The following TUBA1C variants were observed in gnomAD, a reference collection of about 807,000 sequenced individuals.
The protein encoded by TUBA1C is tubulin alpha 1c.
Under a neutral mutation model 34.9 loss-of-function variants are expected in TUBA1C, and 16 were observed. That is an observed-to-expected ratio of 0.46 (90% CI 0.31 to 0.70). The LOEUF (loss-of-function observed/expected upper bound fraction) is 0.70. Among genes scored for constraint, TUBA1C ranks in the 30% least tolerant of loss-of-function variants. The pLI is 0.05. For missense variants in TUBA1C, 329 were observed against 587.3 expected (o/e 0.56, Z 4.55); for synonymous variants, 177 against 215.9 (o/e 0.82, Z 1.58).
chr12:49,274,580 A>G lies in TUBA1C; in HGVS notation c.*1353A>G, dbSNP rs1463942732. ...GCCAGAACTATTGCTGTCAGTCTTT[A>G]ATAAAGTATTAGTCACACGAGAAGG... is the stretch of plus-strand genomic sequence containing the variant. On this transcript the variant is annotated 3_prime_UTR_variant, in exon 4 of 4. Transcript: ENST00000301072. 6.6e-6 allele frequency: 1 copy of G among 152,088 alleles called. No homozygotes were observed. Among genetic ancestry groups the G allele is most frequent in the Non-Finnish European group, 1.5e-5 (1 of 68,024 alleles). The allele number at this position is 152,088 out of a possible 1,614,324, so 9.4% of individuals were successfully genotyped here. A position where few individuals can be genotyped will look rare whatever the true frequency, so the allele number is the denominator to read the frequency against.
upstream of TUBA1C, among the ~76,000 whole-genome samples, chr12:49,263,023 CTTTTT>C (rs758187649): frequency 2.6e-5 from 3 of 117,108 alleles, no homozygotes; most frequent in Admixed American, 9.1e-5. Flanking sequence ...GAGAATTACT[CTTTTT>C]TTTTTTTTTT....
At chr12:49,228,084 T>C in exon 1 of TUBA1C, 1 of 1,535,682 alleles carries the variant, frequency 6.5e-7, no homozygotes. Flanking sequence ...CTTATTTACT[T>C]CACCAGGACT....
intron 3 of TUBA1C, 68 bp from the exon 4 acceptor site, chr12:49,272,185 G>T: frequency 6.5e-7 from 1 of 1,538,242 alleles, no homozygotes; most frequent in Non-Finnish European, 8.7e-7. Context: ...GTCCTCTGTA[G>T]GTTTCACCAA....
intron 1 of TUBA1C, among the ~76,000 whole-genome samples, chr12:49,234,914 T>C (rs11168930): frequency 0.23 from 34,940 of 151,898 alleles, 4,650 homozygotes; most frequent in East Asian, 0.68. Flanking sequence ...GCCTCCCAGA[T>C]TCAAGCGATT....
chr12:49,247,139 C>CA (rs202143595), intron 1 of TUBA1C, among the ~76,000 whole-genome samples: 11,951 of 115,268 alleles, frequency 0.1, 733 homozygotes, highest in African/African-American at 0.2. Context: ...GACTCCATCT[C>CA]AAAAAAAAAA....
chr12:49,270,706 G>A (rs1051146331), intron 3 of TUBA1C, among the ~76,000 whole-genome samples: 1 of 152,180 alleles, frequency 6.6e-6, no homozygotes, highest in Admixed American at 6.5e-5. Flanking sequence ...CTTTAGGCTG[G>A]GCACGGTGGC....
upstream of TUBA1C, among the ~76,000 whole-genome samples, chr12:49,262,365 C>T (rs142433263): frequency 8.3e-5 from 11 of 132,692 alleles, no homozygotes; most frequent in African/African-American, 3.2e-4. Context: ...TGCACCACTG[C>T]ACTCCATCCA....
chr12:49,265,127 C>T lies in TUBA1C; in HGVS notation c.-55C>T. ...CTTGGTAGTCTGTTAGTGGGAGATCCTTGTTGCCGTCCCTTCGCCTCCTTC... is the reference window on the plus strand; with the variant it reads ...CTTGGTAGTCTGTTAGTGGGAGATCTTTGTTGCCGTCCCTTCGCCTCCTTC... On this transcript the variant is annotated 5_prime_UTR_variant, in exon 1 of 4. Coordinates refer to ENST00000301072, the MANE Select transcript of TUBA1C (RefSeq NM_032704.5). The T allele has an allele frequency of 1.3e-6, 2 of 1,585,820 alleles. No homozygotes were observed. The highest frequency in any genetic ancestry group is 1.7e-6 in the Non-Finnish European group (2 of 1,161,840).
intron 1 of TUBA1C, among the ~76,000 whole-genome samples, chr12:49,238,956 T>G (rs951722028): frequency 6.6e-6 from 1 of 152,184 alleles, no homozygotes; most frequent in African/African-American, 2.4e-5. Flanking sequence ...GAGGCTTCAT[T>G]ACATAGGAAT....
intron 1 of TUBA1C, among the ~76,000 whole-genome samples, chr12:49,252,361 AT>A (rs1345250755): frequency 6.6e-6 from 1 of 152,152 alleles, no homozygotes; most frequent in African/African-American, 2.4e-5. Flanking sequence ...ATAAAACTTG[AT>A]GTTTATTCTA....
intron 1 of TUBA1C, among the ~76,000 whole-genome samples, chr12:49,240,035 GACACACACACACAC>G (rs5798100): frequency 8.7e-5 from 12 of 138,682 alleles, no homozygotes; most frequent in South Asian, 4.7e-4. Flanking sequence ...TCAGAGCACA[GACACACACACACAC>G]ACACACACAC....
chr12:49,273,084 G>A lies in TUBA1C; in HGVS notation c.1207G>A (p.Ala403Thr), dbSNP rs1046350327. The A allele has an allele frequency of 6.2e-7, 1 of 1,614,222 alleles. No individual in the cohort carries two copies. Among genetic ancestry groups the A allele is most frequent in the Admixed American group, 1.7e-5 (1 of 60,024 alleles). Residue 403 changes from alanine (A) to threonine (T), a missense_variant, in exon 4 of 4, where the codon GCC becomes ACC. By Grantham distance (58) the Ala-to-Thr change is moderately conservative. Coordinates refer to ENST00000301072, the MANE Select transcript of TUBA1C (RefSeq NM_032704.5). ...GTTTGACCTGATGTATGCCAAGCGTGCCTTTGTTCACTGGTACGTGGGTGA... is the reference window on the plus strand; with the variant it reads ...GTTTGACCTGATGTATGCCAAGCGTACCTTTGTTCACTGGTACGTGGGTGA... The part of the protein sequence containing the change: ...HKFDLMYAKR[A>T]FVHWYVGEGM...
intron 1 of TUBA1C, among the ~76,000 whole-genome samples, chr12:49,265,963 A>C (rs1461710704): frequency 7.8e-5 from 11 of 141,552 alleles, no homozygotes; most frequent in Admixed American, 2.1e-4. Flanking sequence ...ACTTTAAAAA[A>C]AAAAAAAAAC....
intron 1 of TUBA1C, among the ~76,000 whole-genome samples, chr12:49,255,904 G>A (rs568232677): frequency 7.2e-5 from 11 of 152,280 alleles, no homozygotes; most frequent in Admixed American, 3.9e-4. Context: ...ATGTGCTTGA[G>A]GCTAGGGCGT....
chr12:49,230,054 G>A lies in TUBA1C; in HGVS notation c.213+1888G>A, dbSNP rs141116042. On this transcript the variant is annotated intron_variant, in intron 1 of 3. Transcript: ENST00000541364. ...GCTTGCCTTGGCCTCCCAAAGTGCC[G>A]GGATTACAGGCATAAGTCAACATCC... 1.7e-3 allele frequency among the ~76,000 whole-genome samples: 262 copies of A among 151,884 alleles called. 1 individual carries two copies. Among genetic ancestry groups the A allele is most frequent in the African/African-American group, 6.1e-3 (253 of 41,422 alleles).
rs1442682825 is a variant in TUBA1C at position 49,265,180 on chromosome 12, T to A, written c.-2T>A. 2 of 1,603,360 alleles carry A rather than the reference T, an allele frequency of 1.2e-6. No homozygotes were observed. The highest frequency in any genetic ancestry group is 1.7e-5 in the Admixed American group (1 of 59,658). On this transcript the variant is annotated 5_prime_UTR_variant, in exon 1 of 4. Coordinates refer to ENST00000301072, the MANE Select transcript of TUBA1C (RefSeq NM_032704.5). ...CGCCGCAGACCCCTTCAAGTTCTAG[T>A]CATGGTGAGTGGGGTTCCCTCGGGG...
chr12:49,272,221 C>T (rs745415373), intron 3 of TUBA1C, 32 bp from the exon 4 acceptor site: 5 of 1,567,104 alleles, frequency 3.2e-6, no homozygotes, highest in Non-Finnish European at 4.3e-6. Context: ...GAAACTTTCG[C>T]AACACTAAAA....
At chr12:49,238,097 G>A (rs1942575834) in intron 1 of TUBA1C, among the ~76,000 whole-genome samples, 3 of 149,172 alleles carry the variant, frequency 2.0e-5, no homozygotes, top group African/African-American at 5.0e-5. Context: ...TGACAAGAGC[G>A]AGATTCCGCC....
chr12:49,263,969 C>A (rs966468990), upstream of TUBA1C, among the ~76,000 whole-genome samples: 1 of 151,912 alleles, frequency 6.6e-6, no homozygotes, highest in Non-Finnish European at 1.5e-5. Context: ...GCCTGTATTC[C>A]CAGCACTTTG....
Sources: allele counts gnomAD v4.1 joint callset (sites outside exome capture counted in the v4.1 genomes callset), GRCh38; gene constraint gnomAD v4.1.1; transcripts MANE v1.5; gene names NCBI Gene and HGNC (gene_info 2026-07-23, HGNC 2026-07-21).